MRTFB: variants seen among roughly 807,000 people sequenced by gnomAD.
The protein encoded by MRTFB is myocardin-related transcription factor B.
Under a neutral mutation model 104.2 loss-of-function variants are expected in MRTFB, and 29 were observed. The ratio of observed to expected loss-of-function variants is 0.28; its 90% CI spans 0.21 to 0.38. The LOEUF (loss-of-function observed/expected upper bound fraction) is 0.38, where lower values mean the gene tolerates loss of function less well. MRTFB is among the 10% of genes least tolerant of loss of function. The pLI, the probability that MRTFB is intolerant of heterozygous loss-of-function variation, is 1.00. For synonymous variants in MRTFB, 535 were observed against 519.5 expected (o/e 1.03, Z -0.41); for missense variants, 1,270 against 1,341.6 (o/e 0.95, Z 0.83).
intron 1 of MRTFB, among the ~76,000 whole-genome samples, chr16:14,076,895 C>T (rs2034096209): frequency 6.6e-6 from 1 of 152,242 alleles, no homozygotes; most frequent in East Asian, 1.9e-4. Context: ...TCGGGGTGAG[C>T]ATCTTTTCAT....
At chr16:14,260,355 A>T (rs760483522) in intron 16 of MRTFB, among the ~76,000 whole-genome samples, 2 of 83,708 alleles carry the variant, frequency 2.4e-5, no homozygotes, top group Admixed American at 2.1e-4. Flanking sequence ...CTGTAATGAT[A>T]AAAAAAAAAA....
the MRTFB span, among the ~76,000 whole-genome samples, chr16:14,044,887 A>G: frequency 2.0e-5 from 3 of 152,132 alleles, no homozygotes; most frequent in Non-Finnish European, 4.4e-5. Flanking sequence ...ACACTGTCCC[A>G]GCAGGCCACA....
At chr16:14,037,197 C>T in the MRTFB span, among the ~76,000 whole-genome samples, 1 of 152,134 alleles carries the variant, frequency 6.6e-6, no homozygotes, top group African/African-American at 2.4e-5. Context: ...TTGGTGATGT[C>T]CTCATCCGTA....
intron 15 of MRTFB, among the ~76,000 whole-genome samples, chr16:14,257,748 C>G (rs1395749443): frequency 6.6e-6 from 1 of 152,024 alleles, no homozygotes; most frequent in Admixed American, 6.5e-5. Flanking sequence ...TAGAACTGAA[C>G]AAATATGTAT....
intron 13 of MRTFB, among the ~76,000 whole-genome samples, chr16:14,249,414 G>A (rs1393386580): frequency 6.6e-6 from 1 of 152,068 alleles, no homozygotes; most frequent in Non-Finnish European, 1.5e-5. Context: ...AACATACTGT[G>A]GAAAAAAAGA....
intron 2 of MRTFB, among the ~76,000 whole-genome samples, chr16:14,135,805 T>G (rs1007622615): frequency 7.9e-5 from 12 of 152,168 alleles, no homozygotes; most frequent in Non-Finnish European, 4.4e-5. Flanking sequence ...CTTCTACCAC[T>G]CTGTGTCATG....
At chr16:14,056,242 A>G in the MRTFB span, among the ~76,000 whole-genome samples, 26,344 of 151,998 alleles carry the variant, frequency 0.17, 3,350 homozygotes, top group East Asian at 0.36. Context: ...GCTTTCCAAA[A>G]TTTTGGGATT....
chr16:14,216,786 TC>T (rs1253564101), intron 6 of MRTFB, among the ~76,000 whole-genome samples: 2 of 152,180 alleles, frequency 1.3e-5, no homozygotes, highest in African/African-American at 4.8e-5. Context: ...ATGGGCCACA[TC>T]CGTCTTGCCC....
chr16:14,017,381 A>G, the MRTFB span, among the ~76,000 whole-genome samples: 1 of 151,718 alleles, frequency 6.6e-6, no homozygotes, highest in Non-Finnish European at 1.5e-5. Flanking sequence ...AACAGCAGAA[A>G]GAGAGAATTG....
At chr16:14,182,913 A>AT (rs796175371) in intron 3 of MRTFB, among the ~76,000 whole-genome samples, 9 of 151,820 alleles carry the variant, frequency 5.9e-5, no homozygotes, top group African/African-American at 1.2e-4. Context: ...TGTAAAGAGA[A>AT]TTTTTTTTTC....
chr16:14,085,643 T>C (rs1379087130), intron 2 of MRTFB, among the ~76,000 whole-genome samples: 2 of 151,992 alleles, frequency 1.3e-5, no homozygotes, highest in African/African-American at 4.8e-5. Context: ...GCACCTAATA[T>C]AATACCTGGC....
the MRTFB span, among the ~76,000 whole-genome samples, chr16:14,034,939 A>G: frequency 6.6e-6 from 1 of 152,030 alleles, no homozygotes; most frequent in African/African-American, 2.4e-5. Flanking sequence ...CCGGGCCCCT[A>G]TCTCCTCTAC....
rs186185745 is a variant in MRTFB at position 14,252,562 on chromosome 16, C to T, written c.2703+60C>T. 2,886 of 1,594,662 alleles carry T rather than the reference C, an allele frequency of 1.8e-3. 7 individuals carry two copies. Among genetic ancestry groups the T allele is most frequent in the South Asian group, 2.2e-3 (197 of 87,562 alleles). ...TGGTGGATGTGCCCACGTTCAGTCTCGAGCAGACCTATACAGAATCCCTTG... is the reference window on the plus strand; with the variant it reads ...TGGTGGATGTGCCCACGTTCAGTCTTGAGCAGACCTATACAGAATCCCTTG... On this transcript the variant is annotated intron_variant, in intron 15 of 16. Coordinates refer to ENST00000571589, the MANE Select transcript of MRTFB (RefSeq NM_001308142.2).
At chr16:14,055,568 C>T in the MRTFB span, among the ~76,000 whole-genome samples, 2 of 152,118 alleles carry the variant, frequency 1.3e-5, no homozygotes, top group Non-Finnish European at 2.9e-5. Flanking sequence ...TTGAAAAATA[C>T]TGGAGGGACA....
At chr16:14,023,837 G>A in the MRTFB span, among the ~76,000 whole-genome samples, 3 of 152,116 alleles carry the variant, frequency 2.0e-5, no homozygotes, top group African/African-American at 7.2e-5. Flanking sequence ...GATAACCTGA[G>A]GTCAGGAGTT....
intron 8 of MRTFB, among the ~76,000 whole-genome samples, chr16:14,220,747 TAC>T (rs2041655728): frequency 2.0e-5 from 3 of 152,224 alleles, no homozygotes; most frequent in Non-Finnish European, 2.9e-5. Flanking sequence ...TTCTGCCTGT[TAC>T]ATGCAGACCA....
chr16:14,159,242 T>C (rs1177953243), intron 3 of MRTFB, among the ~76,000 whole-genome samples: 1 of 152,210 alleles, frequency 6.6e-6, no homozygotes, highest in African/African-American at 2.4e-5. Flanking sequence ...CTAGGAAGAA[T>C]TACTTTACAA....
intron 2 of MRTFB, among the ~76,000 whole-genome samples, chr16:14,081,953 G>A (rs2034438926): frequency 6.6e-6 from 1 of 152,278 alleles, no homozygotes; most frequent in East Asian, 1.9e-4. Flanking sequence ...CCCCTTACCA[G>A]ATGTATAGTT....
At chr16:14,195,433 T>C in intron 3 of MRTFB, 2 of 751,526 alleles carry the variant, frequency 2.7e-6, no homozygotes, top group Non-Finnish European at 3.2e-6. Flanking sequence ...TGTATATATA[T>C]ACATAGGTAT....
Sources: allele counts gnomAD v4.1 joint callset (sites outside exome capture counted in the v4.1 genomes callset), GRCh38; gene constraint gnomAD v4.1.1; transcripts MANE v1.5; gene names NCBI Gene and HGNC (gene_info 2026-07-23, HGNC 2026-07-21).